VPS8: variants seen among roughly 807,000 people sequenced by gnomAD.
VPS8 encodes vacuolar protein sorting-associated protein 8 homolog.
VPS8 carries 129 observed loss-of-function variants against 216.4 expected under a neutral mutation model. The ratio of observed to expected loss-of-function variants is 0.60; its 90% CI spans 0.52 to 0.69. The LOEUF (loss-of-function observed/expected upper bound fraction) is 0.69, where lower values mean the gene tolerates loss of function less well. Among genes scored for constraint, VPS8 ranks in the 30% least tolerant of loss-of-function variants. The pLI is 0.00. For synonymous variants in VPS8, 571 were observed against 565.4 expected (o/e 1.01, Z -0.14); for missense variants, 1,531 against 1,683.5 (o/e 0.91, Z 1.59).
chr3:185,010,624 G>A (rs906117567), intron 45 of VPS8, among the ~76,000 whole-genome samples: 1 of 151,938 alleles, frequency 6.6e-6, no homozygotes, highest in East Asian at 1.9e-4. Flanking sequence ...ATTAATAGCA[G>A]GATGGGCATT....
intron 29 of VPS8, chr3:184,922,562 A>G (rs1738822214): frequency 2.7e-6 from 1 of 364,636 alleles, no homozygotes; most frequent in Non-Finnish European, 5.4e-6. Context: ...AAAGCTCCGT[A>G]AGTATTTGAC....
At chr3:184,943,806 A>G (rs1560795925) in intron 36 of VPS8, among the ~76,000 whole-genome samples, 3 of 152,160 alleles carry the variant, frequency 2.0e-5, no homozygotes, top group Admixed American at 2.0e-4. Context: ...ATTTAATTTA[A>G]CATTTACATG....
intron 28 of VPS8, among the ~76,000 whole-genome samples, chr3:184,918,232 C>T (rs1737962815): frequency 6.6e-6 from 1 of 152,158 alleles, no homozygotes; most frequent in African/African-American, 2.4e-5. Context: ...CTGTCTGGCT[C>T]TTTACAGAGA....
At chr3:184,893,431 G>T in intron 22 of VPS8, 1 of 946,604 alleles carries the variant, frequency 1.1e-6, no homozygotes, top group Non-Finnish European at 1.3e-6. Context: ...AATTCACACA[G>T]TTTTTGTATT....
chr3:184,840,036 G>C (rs1244258507), intron 7 of VPS8: 2 of 570,724 alleles, frequency 3.5e-6, no homozygotes, highest in Non-Finnish European at 4.7e-6. Context: ...GGGAACCTTG[G>C]GTTATCATCT....
At chr3:184,899,806 A>G (rs1305036675) in intron 24 of VPS8, among the ~76,000 whole-genome samples, 1 of 152,214 alleles carries the variant, frequency 6.6e-6, no homozygotes, top group Non-Finnish European at 1.5e-5. Context: ...CATTGACAAG[A>G]TGATTACTGT....
intron 1 of VPS8, among the ~76,000 whole-genome samples, chr3:184,819,324 A>G (rs1717038607): frequency 6.6e-6 from 1 of 152,206 alleles, no homozygotes; most frequent in Admixed American, 6.5e-5. Flanking sequence ...AAGAGAGACT[A>G]AGAAATCATG....
chr3:184,871,761 A>G (rs1411546485), intron 21 of VPS8, among the ~76,000 whole-genome samples: 3 of 152,160 alleles, frequency 2.0e-5, no homozygotes, highest in African/African-American at 4.8e-5. Flanking sequence ...ATTAATGGAC[A>G]TATTTAGAAG....
intron 24 of VPS8, among the ~76,000 whole-genome samples, 156 bp from the exon 25 acceptor site, chr3:184,900,765 A>G (rs1260386846): frequency 6.6e-6 from 1 of 152,222 alleles, no homozygotes; most frequent in Non-Finnish European, 1.5e-5. Flanking sequence ...TGAGCCTTCT[A>G]AACATTTCAT....
intron 25 of VPS8, among the ~76,000 whole-genome samples, chr3:184,904,538 A>G (rs1056609361): frequency 6.6e-6 from 1 of 152,236 alleles, no homozygotes; most frequent in Non-Finnish European, 1.5e-5. Context: ...TTCTTGGGAT[A>G]AATCTCACTT....
chr3:184,984,194 A>AAAAAAAAAAAAAAACTCACCAAG lies in VPS8; in HGVS notation c.3585+1100_3585+1101insAAAAAAAAAAAAAACTCACCAAG. On this transcript the variant is annotated intron_variant, in intron 42 of 47. Coordinates refer to ENST00000625842, the MANE Select transcript of VPS8 (RefSeq NM_001009921.3). ...GCGAGACTCCGTCTCAAAAAAAAAA[A>AAAAAAAAAAAAAAACTCACCAAG]CTCTACTTCCCATCTGATATTAAGC... 7.7e-4 allele frequency among the ~76,000 whole-genome samples: 36 copies of AAAAAAAAAAAAAAACTCACCAAG among 46,528 alleles called. 15 individuals carry two copies. Among genetic ancestry groups the AAAAAAAAAAAAAAACTCACCAAG allele is most frequent in the Admixed American group, 1.3e-3 (3 of 2,300 alleles). The allele number at this position is 46,528 out of a possible 152,430, so 30.5% of individuals were successfully genotyped here. A position where few individuals can be genotyped will look rare whatever the true frequency, so the allele number is the denominator to read the frequency against.
intron 5 of VPS8, chr3:184,834,986 T>C (rs1011518939): frequency 1.7e-5 from 6 of 345,700 alleles, no homozygotes; most frequent in Non-Finnish European, 3.1e-5. Context: ...AAATGAAATA[T>C]GGCAGCAAGC....
intron 36 of VPS8, among the ~76,000 whole-genome samples, chr3:184,941,437 T>A (rs1026896367): frequency 2.4e-4 from 36 of 151,042 alleles, no homozygotes; most frequent in African/African-American, 5.8e-4. Context: ...TTTTTTTTTT[T>A]AAATTCCTAT....
intron 35 of VPS8, among the ~76,000 whole-genome samples, chr3:184,938,891 A>G (rs928076473): frequency 1.3e-5 from 2 of 151,740 alleles, no homozygotes; most frequent in South Asian, 4.2e-4. Context: ...TTAGCTGGAC[A>G]TGGTGGTGGG....
At chr3:184,898,989 T>G (rs763377650) in intron 24 of VPS8, among the ~76,000 whole-genome samples, 3 of 152,156 alleles carry the variant, frequency 2.0e-5, no homozygotes, top group Non-Finnish European at 2.9e-5. Context: ...TACGAAAAAT[T>G]TATTTTGTAT....
Position 185,048,865 on chromosome 3 carries a change from G to T in VPS8, c.4137+306G>T, listed in dbSNP as rs73885649. Among the ~76,000 whole-genome samples, 313 of 152,264 alleles carry T rather than the reference G, an allele frequency of 2.1e-3. 1 individual carries two copies. The highest frequency in any genetic ancestry group is 7.1e-3 in the African/African-American group (296 of 41,538). ...AGAAGGTTGATCCCAGGAGGGCTTT[G>T]CTTAGGATATGGATAGGTGCCCAAT... On this transcript the variant is annotated intron_variant, in intron 47 of 47. Transcript: ENST00000625842.
In VPS8 at chr3:184,929,571, A is replaced by T; in HGVS notation, c.2715-9A>T. ...TTGGTACACTGAAGTTTTTCCCTTTACATTCTAGCTATCAAATTTGTGAAT... is the reference window on the plus strand; with the variant it reads ...TTGGTACACTGAAGTTTTTCCCTTTTCATTCTAGCTATCAAATTTGTGAAT... On this transcript the variant is annotated splice_polypyrimidine_tract_variant and intron_variant, in intron 32 of 47. Coordinates refer to ENST00000625842, the MANE Select transcript of VPS8 (RefSeq NM_001009921.3). The T allele has an allele frequency of 2.7e-6, 4 of 1,471,124 alleles. No homozygotes were observed. Among genetic ancestry groups the T allele is most frequent in the African/African-American group, 1.4e-5 (1 of 70,932 alleles). 91.1% of individuals were successfully genotyped at this position (1,471,124 alleles called of 1,614,324 possible).
Position 184,839,757 on chromosome 3 carries a change from A to T in VPS8, c.535+5A>T, listed in dbSNP as rs1202356778. 1 of 1,594,092 alleles carries T rather than the reference A, an allele frequency of 6.3e-7. No homozygotes were observed. Among genetic ancestry groups the T allele is most frequent in the African/African-American group, 1.3e-5 (1 of 74,706 alleles). On this transcript the variant is annotated splice_donor_5th_base_variant and intron_variant, in intron 7 of 47. Coordinates refer to ENST00000625842, the MANE Select transcript of VPS8 (RefSeq NM_001009921.3). Reference sequence around the variant, plus strand: ...ATGGATTGGCTTTAATATTTGGTAAATTTTTAAGTGCTTTCCTGCTTTTAA... The same window carrying T: ...ATGGATTGGCTTTAATATTTGGTAATTTTTTAAGTGCTTTCCTGCTTTTAA...
In VPS8 at chr3:185,026,598, G is replaced by T. The variant is rs563258553; in HGVS notation, c.4056+2209G>T. Reference sequence around the variant, plus strand: ...AGCCAGTTTTTGTATTTTTAGTAGAGACAGGGTTTCACCATGTTGGTCAGC... The same window carrying T: ...AGCCAGTTTTTGTATTTTTAGTAGATACAGGGTTTCACCATGTTGGTCAGC... On this transcript the variant is annotated intron_variant, in intron 46 of 47. Coordinates refer to ENST00000625842, the MANE Select transcript of VPS8 (RefSeq NM_001009921.3). 1.3e-3 allele frequency among the ~76,000 whole-genome samples: 195 copies of T among 151,268 alleles called. 2 individuals carry two copies. The highest frequency in any genetic ancestry group is 4.2e-3 in the African/African-American group (175 of 41,212).
Sources: allele counts gnomAD v4.1 joint callset (sites outside exome capture counted in the v4.1 genomes callset), GRCh38; gene constraint gnomAD v4.1.1; transcripts MANE v1.5; gene names NCBI Gene and HGNC (gene_info 2026-07-23, HGNC 2026-07-21).